Variants in DENND1A observed in about 807,000 individuals in gnomAD.
The protein encoded by DENND1A is DENN domain containing 1A, also known as DENN domain-containing protein 1A.
A neutral mutation model predicts 113.7 loss-of-function variants in DENND1A; 51 were observed. That is an observed-to-expected ratio of 0.45 (90% CI 0.36 to 0.57). DENND1A has a LOEUF of 0.57. DENND1A is among the 20% of genes least tolerant of loss of function. The pLI is 0.00. For missense variants in DENND1A, 1,258 were observed against 1,395.9 expected, an observed-to-expected ratio of 0.90 and a Z score of 1.57; for synonymous variants, 565 against 570.8, an observed-to-expected ratio of 0.99 and a Z score of 0.14.
intron 1 of DENND1A, among the ~76,000 whole-genome samples, chr9:123,921,681 C>A (rs1856285104): frequency 6.6e-6 from 1 of 152,224 alleles, no homozygotes; most frequent in African/African-American, 2.4e-5. Context: ...CACTATGGAT[C>A]CCTCAAAGAT....
intron 13 of DENND1A, among the ~76,000 whole-genome samples, chr9:123,506,220 G>T (rs2052918141): frequency 6.6e-6 from 1 of 152,148 alleles, no homozygotes; most frequent in South Asian, 2.1e-4. Flanking sequence ...ACCTCACAGG[G>T]TGGTTGTGAG....
intron 7 of DENND1A, among the ~76,000 whole-genome samples, chr9:123,669,926 AGGCTTGAAGTTAGCCCT>A (rs547622711): frequency 1.3e-4 from 20 of 152,118 alleles, no homozygotes; most frequent in Non-Finnish European, 2.8e-4. Context: ...GAAAGACCAT[AGGCTTGAAGTTAGCCCT>A]GGCTTTGAAA....
intron 8 of DENND1A, among the ~76,000 whole-genome samples, chr9:123,665,659 C>T (rs1343307412): frequency 6.6e-6 from 1 of 152,200 alleles, no homozygotes; most frequent in Non-Finnish European, 1.5e-5. Context: ...AGGTATACCA[C>T]ATATTCCAGT....
intron 2 of DENND1A, among the ~76,000 whole-genome samples, chr9:123,824,408 A>G (rs1838981068): frequency 6.6e-6 from 1 of 152,210 alleles, no homozygotes; most frequent in Non-Finnish European, 1.5e-5. Context: ...AAATTCTAAC[A>G]TAATATCTCA....
intron 13 of DENND1A, among the ~76,000 whole-genome samples, chr9:123,458,350 T>C (rs992719899): frequency 3.3e-5 from 5 of 152,218 alleles, no homozygotes; most frequent in African/African-American, 1.2e-4. Context: ...TAGCTAACTA[T>C]TTCTAACTAT....
chr9:123,424,910 C>G (rs1383647202), intron 19 of DENND1A, among the ~76,000 whole-genome samples: 1 of 152,220 alleles, frequency 6.6e-6, no homozygotes, highest in Non-Finnish European at 1.5e-5. Flanking sequence ...CTCTCCATCT[C>G]TTGGTTAGTC....
chr9:123,527,191 T>G (rs2054915229), intron 13 of DENND1A, among the ~76,000 whole-genome samples: 1 of 152,108 alleles, frequency 6.6e-6, no homozygotes, highest in Non-Finnish European at 1.5e-5. Context: ...TACAGTCACT[T>G]CCCCAGTCCA....
At chr9:123,729,625 G>T (rs1168000986) in intron 5 of DENND1A, among the ~76,000 whole-genome samples, 1 of 152,180 alleles carries the variant, frequency 6.6e-6, no homozygotes, top group Non-Finnish European at 1.5e-5. Context: ...CAAACAAATG[G>T]AAGAACATTC....
At chr9:123,498,586 A>G (rs541606686) in intron 13 of DENND1A, among the ~76,000 whole-genome samples, 1 of 152,344 alleles carries the variant, frequency 6.6e-6, no homozygotes, top group African/African-American at 2.4e-5. Flanking sequence ...CATTAAAGCC[A>G]AACACTATTC....
intron 9 of DENND1A, among the ~76,000 whole-genome samples, chr9:123,649,922 A>G (rs930904146): frequency 2.0e-5 from 3 of 152,228 alleles, no homozygotes; most frequent in Non-Finnish European, 4.4e-5. Context: ...AGGCTGTCGT[A>G]GTAAGGATTA....
intron 21 of DENND1A, among the ~76,000 whole-genome samples, chr9:123,394,061 G>C (rs1209624125): frequency 6.6e-6 from 1 of 151,550 alleles, no homozygotes; most frequent in Non-Finnish European, 1.5e-5. Context: ...GCACAATCTC[G>C]GCTCACTGCA....
intron 13 of DENND1A, 130 bp downstream of exon 13, chr9:123,557,440 C>T: frequency 2.1e-6 from 3 of 1,410,068 alleles, no homozygotes; most frequent in African/African-American, 1.4e-5. Context: ...CTGTCCCCCA[C>T]CACAAACACA....
rs2068220592 is a variant in DENND1A, at chr9:123,732,116, C to T, written c.302+25587G>A. ...GGAATGCAAAATGATACAACAACCA[C>T]TTTGGAAAGCAGGCAGTTTCTTACA... On this transcript the variant is annotated intron_variant, in intron 5 of 23. Coordinates refer to ENST00000394215, the MANE Select transcript of DENND1A (RefSeq NM_001352964.2). 3.9e-5 allele frequency among the ~76,000 whole-genome samples: 6 copies of T among 152,236 alleles called. No homozygotes were observed. The South Asian group carries it at 1.2e-3, about 31-fold the overall frequency.
At position 123,870,963 on chromosome 9, in the gene DENND1A, G is replaced by GA. The variant is rs530134341; in HGVS notation, c.88+7987dup. Among the ~76,000 whole-genome samples the GA allele has an allele frequency of 3.8e-4, 57 of 151,218 alleles. No homozygotes were observed. In the South Asian group the frequency reaches 6.5e-3, roughly 17 times the overall value. On this transcript the variant is annotated intron_variant, in intron 2 of 23. Transcript: ENST00000394215. ...GCTGTCATTCACTGTCATTATTACT[G>GA]AAAAAAAATAAGATGAATTTAATTA...
intron 9 of DENND1A, among the ~76,000 whole-genome samples, chr9:123,633,096 C>A (rs769935442): frequency 2.2e-4 from 33 of 152,018 alleles, no homozygotes; most frequent in Non-Finnish European, 4.6e-4. Flanking sequence ...TTTGTAGAGA[C>A]GGGGTTTCGC....
chr9:123,678,030 T>A (rs1481438455), intron 5 of DENND1A, among the ~76,000 whole-genome samples: 1 of 152,072 alleles, frequency 6.6e-6, no homozygotes, highest in Non-Finnish European at 1.5e-5. Flanking sequence ...TTTCTACTCA[T>A]CCTCCTAACT....
intron 13 of DENND1A, among the ~76,000 whole-genome samples, chr9:123,505,291 T>A (rs1169550015): frequency 1.3e-5 from 2 of 152,258 alleles, no homozygotes; most frequent in Non-Finnish European, 2.9e-5. Flanking sequence ...CTTACTTACA[T>A]ACACAGGTTG....
intron 15 of DENND1A, 131 bp from the exon 16 acceptor site, chr9:123,454,910 C>T (rs1007766287): frequency 1.8e-5 from 14 of 771,032 alleles, no homozygotes; most frequent in East Asian, 2.8e-5. Context: ...TGCAGTGGTG[C>T]GATCTCAGCT....
At chr9:123,561,328 C>T (rs1419966645) in intron 12 of DENND1A, among the ~76,000 whole-genome samples, 2 of 152,210 alleles carry the variant, frequency 1.3e-5, no homozygotes, top group East Asian at 3.9e-4. Flanking sequence ...GTGTCCCTTC[C>T]TGCCTGCCCC....
Sources: allele counts gnomAD v4.1 joint callset (sites outside exome capture counted in the v4.1 genomes callset), GRCh38; gene constraint gnomAD v4.1.1; transcripts MANE v1.5; gene names NCBI Gene and HGNC (gene_info 2026-07-23, HGNC 2026-07-21).